Variants in MAGI2 observed in about 807,000 individuals in gnomAD.
MAGI2 encodes membrane associated guanylate kinase, WW and PDZ domain containing 2, also known as membrane-associated guanylate kinase, WW and PDZ domain-containing protein 2.
In MAGI2, 35 loss-of-function variants were observed where a neutral mutation model predicts 133.3. That is an observed-to-expected ratio of 0.26 (90% CI 0.20 to 0.35). The LOEUF (loss-of-function observed/expected upper bound fraction) is 0.35, where lower values mean the gene tolerates loss of function less well. Ranked by LOEUF, MAGI2 falls within the 10% of genes least tolerant of loss-of-function variation. The pLI is 1.00. For synonymous variants in MAGI2, 729 were observed against 710.6 expected (o/e 1.03, Z -0.41); for missense variants, 1,636 against 1,863.4 (o/e 0.88, Z 2.25).
chr7:78,556,516 C>G (rs1031348906), intron 3 of MAGI2, among the ~76,000 whole-genome samples: 2 of 152,080 alleles, frequency 1.3e-5, no homozygotes, highest in Admixed American at 1.3e-4. Context: ...CTTAAAAGAA[C>G]CTTGTAGGAA....
At chr7:78,409,049 A>T (rs1797634992) in intron 6 of MAGI2, among the ~76,000 whole-genome samples, 1 of 152,092 alleles carries the variant, frequency 6.6e-6, no homozygotes, top group African/African-American at 2.4e-5. Flanking sequence ...GATGGGCACT[A>T]CCATACACTC....
At chr7:78,534,830 A>C (rs1035929327) in intron 3 of MAGI2, among the ~76,000 whole-genome samples, 1 of 151,152 alleles carries the variant, frequency 6.6e-6, no homozygotes, top group Non-Finnish European at 1.5e-5. Flanking sequence ...GTCTAAAGTG[A>C]AATTAGAAAA....
chr7:78,143,282 T>C (rs186269001), intron 16 of MAGI2, among the ~76,000 whole-genome samples: 14 of 152,320 alleles, frequency 9.2e-5, no homozygotes, highest in Admixed American at 7.2e-4. Flanking sequence ...TTCTTCCCTG[T>C]AGGGCAGAAA....
chr7:78,892,778 A>G (rs1216505899), intron 2 of MAGI2, among the ~76,000 whole-genome samples: 2 of 152,200 alleles, frequency 1.3e-5, no homozygotes, highest in African/African-American at 2.4e-5. Flanking sequence ...TAAAAACCCT[A>G]GAAGAAAACC....
chr7:79,165,593 G>T (rs2129548098), intron 1 of MAGI2, among the ~76,000 whole-genome samples: 1 of 152,160 alleles, frequency 6.6e-6, no homozygotes, highest in Admixed American at 6.6e-5. Context: ...AACCTGCCAT[G>T]ACCAAAATTT....
intron 3 of MAGI2, among the ~76,000 whole-genome samples, chr7:78,525,084 A>G (rs1004003390): frequency 2.6e-5 from 4 of 152,192 alleles, no homozygotes; most frequent in Non-Finnish European, 5.9e-5. Flanking sequence ...TTATATTACT[A>G]ATTATACCTA....
chr7:78,116,732 G>A (rs565786065), intron 20 of MAGI2, among the ~76,000 whole-genome samples: 2 of 151,908 alleles, frequency 1.3e-5, no homozygotes, highest in South Asian at 4.2e-4. Flanking sequence ...AAACAAATCA[G>A]CCAGGTGTGG....
intron 1 of MAGI2, among the ~76,000 whole-genome samples, chr7:79,306,326 A>G (rs574692746): frequency 8.3e-4 from 122 of 146,264 alleles, no homozygotes; most frequent in Non-Finnish European, 1.6e-3. Flanking sequence ...ATATATGTGT[A>G]TATATATATA....
chr7:78,960,820 A>T (rs1802771382), intron 2 of MAGI2, among the ~76,000 whole-genome samples: 1 of 152,102 alleles, frequency 6.6e-6, no homozygotes, highest in Non-Finnish European at 1.5e-5. Context: ...CTGATTGGTT[A>T]AGGAATCTAA....
At chr7:78,158,226 C>T (rs1364123216) in intron 16 of MAGI2, 1 of 152,100 alleles carries the variant, frequency 6.6e-6, no homozygotes, top group African/African-American at 2.4e-5. Flanking sequence ...TCTTAGTGCT[C>T]CTTTATTTTC....
rs767239863 is a variant in MAGI2 at position 79,417,616 on chromosome 7, C to T, written c.301+35404G>A. Among the ~76,000 whole-genome samples the T allele has an allele frequency of 2.6e-5, 4 of 152,158 alleles. No homozygotes were observed. In the East Asian group the frequency reaches 5.8e-4, roughly 22 times the overall value. On this transcript the variant is annotated intron_variant, in intron 1 of 21. Coordinates refer to ENST00000354212, the MANE Select transcript of MAGI2 (RefSeq NM_012301.4). ...TAATTCAGATTATTCCCAAAAGATA[C>T]AGTAACATATTTGCTGGCAATTATA...
chr7:79,049,495 G>A (rs1400537392), intron 1 of MAGI2, among the ~76,000 whole-genome samples: 2 of 152,076 alleles, frequency 1.3e-5, no homozygotes, highest in Admixed American at 6.5e-5. Flanking sequence ...CCTATGCAAA[G>A]TACTCTGCCT....
At chr7:79,049,376 T>C (rs944948721) in intron 1 of MAGI2, among the ~76,000 whole-genome samples, 1 of 152,164 alleles carries the variant, frequency 6.6e-6, no homozygotes, top group African/African-American at 2.4e-5. Context: ...AATATAAGTA[T>C]GTAGATGAAA....
At chr7:78,647,115 AG>A (rs1352087560) in intron 2 of MAGI2, among the ~76,000 whole-genome samples, 1 of 152,208 alleles carries the variant, frequency 6.6e-6, no homozygotes, top group Non-Finnish European at 1.5e-5. Flanking sequence ...AAACACCAAA[AG>A]CAATGGCAAC....
chr7:78,509,937 A>C (rs917627231), intron 4 of MAGI2, among the ~76,000 whole-genome samples: 3 of 152,208 alleles, frequency 2.0e-5, no homozygotes, highest in Non-Finnish European at 4.4e-5. Context: ...ATAAAGTTTG[A>C]ATTTCCAAAA....
At chr7:79,347,219 G>A (rs1841387466) in intron 1 of MAGI2, among the ~76,000 whole-genome samples, 2 of 151,752 alleles carry the variant, frequency 1.3e-5, no homozygotes, top group African/African-American at 2.4e-5. Context: ...CTGTCATGTC[G>A]ACGTCTTGCA....
chr7:79,410,399 C>T (rs542399277), intron 1 of MAGI2: 56 of 152,222 alleles, frequency 3.7e-4, no homozygotes, highest in African/African-American at 1.2e-3. Flanking sequence ...ATCCATCCAA[C>T]AGTGTGTTTC....
intron 1 of MAGI2, among the ~76,000 whole-genome samples, chr7:79,394,372 T>G (rs1844892861): frequency 6.6e-6 from 1 of 152,178 alleles, no homozygotes; most frequent in Non-Finnish European, 1.5e-5. Flanking sequence ...TTAGGCAGCC[T>G]TTTGTCCCAA....
At chr7:78,284,450 CTTT>C (rs34430968) in intron 9 of MAGI2, among the ~76,000 whole-genome samples, 1 of 142,840 alleles carries the variant, frequency 7.0e-6, no homozygotes. Context: ...GTTTTCTTTT[CTTT>C]TTTTTTTTTT....
Sources: gnomAD v4.1 joint callset for allele counts (sites outside exome capture counted in the v4.1 genomes callset) on GRCh38, gnomAD v4.1.1 for gene constraint, MANE v1.5 for transcripts, NCBI Gene and HGNC (gene_info 2026-07-23, HGNC 2026-07-21) for gene names.